Variants in GLIS3 observed in about 807,000 individuals in gnomAD.
The protein encoded by GLIS3 is zinc finger protein GLIS3.
Under a neutral mutation model 78.6 loss-of-function variants are expected in GLIS3, and 53 were observed. That is an observed-to-expected ratio of 0.67 (90% CI 0.54 to 0.85). The LOEUF (loss-of-function observed/expected upper bound fraction) is 0.85, where lower values mean the gene tolerates loss of function less well. GLIS3 is among the 40% of genes least tolerant of loss of function. The pLI is 0.00. For synonymous variants in GLIS3, 684 were observed against 509.9 expected, an observed-to-expected ratio of 1.34 and a Z score of -4.60; for missense variants, 1,703 against 1,231.1, an observed-to-expected ratio of 1.38 and a Z score of -5.74.
intron 4 of GLIS3, among the ~76,000 whole-genome samples, chr9:3,960,073 G>A (rs1817446848): frequency 6.6e-6 from 1 of 152,176 alleles, no homozygotes; most frequent in Non-Finnish European, 1.5e-5. Flanking sequence ...GGAGGCGGAG[G>A]TTGCAGTGAG....
chr9:4,471,374 A>G, the GLIS3 span, among the ~76,000 whole-genome samples: 9 of 152,344 alleles, frequency 5.9e-5, no homozygotes, highest in Admixed American at 5.9e-4. Flanking sequence ...GGCTACAGTA[A>G]CCAAAACAGC....
rs762678694 is a variant in GLIS3, at chr9:4,292,721, G to A, written c.-98-6198C>T. On this transcript the variant is annotated intron_variant, in intron 1 of 10. Transcript: ENST00000381971. ...TGACAGAATAAGGATCAAAATTACC[G>A]AAAATTTTGGATCTTTTTCATTGCA... Among the ~76,000 whole-genome samples, 14 of 152,252 alleles carry A rather than the reference G, an allele frequency of 9.2e-5. 1 individual carries two copies. The highest frequency in any genetic ancestry group is 1.9e-4 in the East Asian group (1 of 5,192).
At chr9:4,197,332 C>A (rs1818958263) in intron 2 of GLIS3, among the ~76,000 whole-genome samples, 1 of 152,160 alleles carries the variant, frequency 6.6e-6, no homozygotes, top group African/African-American at 2.4e-5. Flanking sequence ...GGATCAGTAG[C>A]CTAAACTGCC....
rs1564016024 is a variant in GLIS3 at position 4,075,883 on chromosome 9, T to C, written c.1710+41885A>G. Among the ~76,000 whole-genome samples the C allele has an allele frequency of 2.6e-5, 4 of 152,330 alleles. No homozygotes were observed. The East Asian group carries it at 7.7e-4, about 29-fold the overall frequency. ...TGTACATACAGCATTATTCCATTTA[T>C]GTAAAATTCCTTTAAAGGCAAATCT... On this transcript the variant is annotated intron_variant, in intron 4 of 10. Coordinates refer to ENST00000381971, the MANE Select transcript of GLIS3 (RefSeq NM_001042413.2).
intron 2 of GLIS3, among the ~76,000 whole-genome samples, chr9:4,228,850 T>A (rs1822006922): frequency 2.0e-5 from 3 of 152,192 alleles, no homozygotes; most frequent in Non-Finnish European, 1.5e-5. Flanking sequence ...CTCTGTTATC[T>A]CTCTGAGTAT....
intron 2 of GLIS3, among the ~76,000 whole-genome samples, chr9:4,342,720 A>T (rs1415065948): frequency 1.3e-5 from 2 of 152,234 alleles, no homozygotes; most frequent in Non-Finnish European, 2.9e-5. Flanking sequence ...TGATTCTTCC[A>T]ATCCATGAGC....
At chr9:4,217,962 G>C (rs1385362878) in intron 2 of GLIS3, among the ~76,000 whole-genome samples, 4 of 152,174 alleles carry the variant, frequency 2.6e-5, no homozygotes, top group African/African-American at 4.8e-5. Flanking sequence ...CTGTGAGATT[G>C]AAAAGCTCAT....
At chr9:3,958,719 T>C (rs532858049) in intron 4 of GLIS3, among the ~76,000 whole-genome samples, 2 of 151,998 alleles carry the variant, frequency 1.3e-5, no homozygotes, top group South Asian at 2.1e-4. Context: ...ACAAATGCAA[T>C]AGAATGAGAT....
chr9:4,250,162 T>C (rs902437444), intron 2 of GLIS3, among the ~76,000 whole-genome samples: 1 of 152,242 alleles, frequency 6.6e-6, no homozygotes, highest in African/African-American at 2.4e-5. Context: ...TTCCCTCTTT[T>C]TCTATTGTTT....
At chr9:3,971,971 A>C (rs542166706) in intron 4 of GLIS3, among the ~76,000 whole-genome samples, 1 of 152,142 alleles carries the variant, frequency 6.6e-6, no homozygotes, top group African/African-American at 2.4e-5. Context: ...GAGTAACAGG[A>C]AAGATCCCGC....
chr9:4,459,520 T>A, the GLIS3 span, among the ~76,000 whole-genome samples: 3 of 152,310 alleles, frequency 2.0e-5, no homozygotes, highest in East Asian at 5.8e-4. Context: ...TCCTGGCACT[T>A]TGGGAGGCCA....
intron 4 of GLIS3, among the ~76,000 whole-genome samples, chr9:4,106,586 T>G (rs146250591): frequency 2.2e-4 from 33 of 152,224 alleles, no homozygotes; most frequent in Non-Finnish European, 3.5e-4. Flanking sequence ...TAGAGGCACA[T>G]TGTCATTTTT....
At chr9:4,080,980 T>A (rs555948749) in intron 4 of GLIS3, among the ~76,000 whole-genome samples, 1 of 152,198 alleles carries the variant, frequency 6.6e-6, no homozygotes, top group African/African-American at 2.4e-5. Context: ...ACAGGGCAAC[T>A]GATTTCATGA....
intron 2 of GLIS3, among the ~76,000 whole-genome samples, chr9:4,182,428 T>C (rs982201098): frequency 5.3e-5 from 8 of 152,304 alleles, no homozygotes; most frequent in African/African-American, 1.4e-4. Flanking sequence ...TAATAAATTA[T>C]GGAACACTAT....
At chr9:4,386,154 AAG>A in the GLIS3 span, among the ~76,000 whole-genome samples, 3 of 152,284 alleles carry the variant, frequency 2.0e-5, no homozygotes, top group East Asian at 1.9e-4. Flanking sequence ...GGAGAAAAAC[AAG>A]AGAGAGAGAA....
rs537035142 is a variant in GLIS3, at chr9:4,343,678, G to A, written n.264+3403C>T. On this transcript the variant is annotated intron_variant and non_coding_transcript_variant, in intron 2 of 4. Coordinates refer to the GLIS3 transcript ENST00000471664. ...GGAATCAACCTAAATGCCCACCAAC[G>A]GTGGACCGGATAAAGAAAATGCGGT... 7.2e-5 allele frequency among the ~76,000 whole-genome samples: 11 copies of A among 152,262 alleles called. No homozygotes were observed. The South Asian group carries it at 1.0e-3, about 14-fold the overall frequency.
chr9:4,327,041 A>C (rs1412146209), intron 2 of GLIS3, among the ~76,000 whole-genome samples: 3 of 152,254 alleles, frequency 2.0e-5, no homozygotes, highest in Non-Finnish European at 4.4e-5. Flanking sequence ...GACAGACATG[A>C]AACAAGTAAT....
At chr9:3,912,718 T>C (rs1824234796) in intron 6 of GLIS3, among the ~76,000 whole-genome samples, 1 of 152,204 alleles carries the variant, frequency 6.6e-6, no homozygotes, top group Non-Finnish European at 1.5e-5. Flanking sequence ...GAATTCAAGC[T>C]TCATTCAGAG....
chr9:3,969,824 C>T (rs1286226610), intron 4 of GLIS3, among the ~76,000 whole-genome samples: 2 of 152,190 alleles, frequency 1.3e-5, no homozygotes, highest in African/African-American at 4.8e-5. Context: ...AATCCAGCAC[C>T]TCTGTCCAGA....
Sources: gnomAD v4.1 joint callset for allele counts (sites outside exome capture counted in the v4.1 genomes callset) on GRCh38, gnomAD v4.1.1 for gene constraint, MANE v1.5 for transcripts, NCBI Gene and HGNC (gene_info 2026-07-23, HGNC 2026-07-21) for gene names.